GRIK2: variants seen among roughly 807,000 people sequenced by gnomAD.
GRIK2 encodes glutamate receptor ionotropic, kainate 2.
A neutral mutation model predicts 100.3 loss-of-function variants in GRIK2; 32 were observed. The ratio of observed to expected loss-of-function variants is 0.32; its 90% CI spans 0.24 to 0.43. The LOEUF is 0.43. Among genes scored for constraint, GRIK2 ranks in the 20% least tolerant of loss-of-function variants. GRIK2 has a pLI of 1.00. For missense variants in GRIK2, 843 were observed against 1,114.9 expected, an observed-to-expected ratio of 0.76 and a Z score of 3.47; for synonymous variants, 417 against 389.4, an observed-to-expected ratio of 1.07 and a Z score of -0.83.
intron 15 of GRIK2, among the ~76,000 whole-genome samples, chr6:102,052,807 T>TG (rs1435697995): frequency 1.3e-5 from 2 of 152,286 alleles, no homozygotes; most frequent in East Asian, 3.9e-4. Flanking sequence ...AATTACAGTC[T>TG]GGGCACCTTG....
intron 2 of GRIK2, among the ~76,000 whole-genome samples, chr6:101,524,497 T>C (rs1241365769): frequency 1.3e-5 from 2 of 152,128 alleles, no homozygotes; most frequent in East Asian, 1.9e-4. Context: ...TGACACATTG[T>C]GCTTCTAGTT....
chr6:101,586,998 G>A (rs908369911), intron 2 of GRIK2, among the ~76,000 whole-genome samples: 1 of 151,578 alleles, frequency 6.6e-6, no homozygotes, highest in Non-Finnish European at 1.5e-5. Flanking sequence ...ATGAAATATG[G>A]ATTTAAACTC....
chr6:101,944,189 A>G (rs1003569504), intron 14 of GRIK2, among the ~76,000 whole-genome samples: 21 of 152,126 alleles, frequency 1.4e-4, no homozygotes, highest in Non-Finnish European at 2.6e-4. Context: ...CATCATGATC[A>G]TATGTTTCCT....
intron 7 of GRIK2, among the ~76,000 whole-genome samples, chr6:101,788,086 G>C (rs1779559043): frequency 6.6e-6 from 1 of 151,780 alleles, no homozygotes; most frequent in Non-Finnish European, 1.5e-5. Flanking sequence ...CTTAAAGTTT[G>C]TTTTATTTGA....
At chr6:101,739,006 G>T (rs1775857270) in intron 7 of GRIK2, among the ~76,000 whole-genome samples, 1 of 152,150 alleles carries the variant, frequency 6.6e-6, no homozygotes, top group African/African-American at 2.4e-5. Context: ...TAGAAGCCTT[G>T]TTTCTCTTTT....
chr6:101,740,801 T>G (rs1407401026), intron 7 of GRIK2, among the ~76,000 whole-genome samples: 1 of 152,132 alleles, frequency 6.6e-6, no homozygotes, highest in African/African-American at 2.4e-5. Context: ...TGCCAGGTTC[T>G]TTTTAACCTC....
intron 2 of GRIK2, among the ~76,000 whole-genome samples, chr6:101,524,438 G>A (rs1233386906): frequency 3.9e-5 from 6 of 151,926 alleles, no homozygotes; most frequent in Non-Finnish European, 5.9e-5. Flanking sequence ...AAGGGAGTTG[G>A]TGTTAGAAAA....
Position 102,035,583 on chromosome 6 carries a change from CTCTTTGT to C in GRIK2, c.2311+27_2311+33del, listed in dbSNP as rs750479442. Reference sequence around the variant, plus strand: ...CTCCCATGGGTAGGTTATATGTCAGCTCTTTGTTCTTTGTTCATTAATCTGAGTTGCT... The same window carrying C: ...CTCCCATGGGTAGGTTATATGTCAGCTCTTTGTTCATTAATCTGAGTTGCT... On this transcript the variant is annotated intron_variant, in intron 15 of 16. Coordinates refer to ENST00000369134, the MANE Select transcript of GRIK2 (RefSeq NM_021956.5). 12 of 1,370,378 alleles carry C rather than the reference CTCTTTGT, an allele frequency of 8.8e-6. No homozygotes were observed. Among genetic ancestry groups the C allele is most frequent in the Admixed American group, 1.7e-5 (1 of 58,620 alleles). The allele number at this position is 1,370,378 out of a possible 1,614,324, so 84.9% of individuals were successfully genotyped here.
intron 7 of GRIK2, among the ~76,000 whole-genome samples, chr6:101,736,949 A>G (rs1307517539): frequency 1.3e-5 from 2 of 152,186 alleles, no homozygotes; most frequent in East Asian, 1.9e-4. Flanking sequence ...AATGTCTTCC[A>G]CCAGATACCC....
chr6:101,775,584 AGTT>A (rs1189643758), intron 7 of GRIK2, among the ~76,000 whole-genome samples: 5 of 151,086 alleles, frequency 3.3e-5, no homozygotes, highest in Non-Finnish European at 5.9e-5. Flanking sequence ...ATTACTGTAT[AGTT>A]TATTTATAAT....
intron 2 of GRIK2, chr6:101,620,035 A>G (rs1033715306): frequency 6.6e-6 from 1 of 152,186 alleles, no homozygotes; most frequent in East Asian, 1.9e-4. Flanking sequence ...TGTACATGCT[A>G]ACATTTATTC....
At chr6:101,943,518 A>G (rs1026030566) in intron 14 of GRIK2, among the ~76,000 whole-genome samples, 1 of 152,184 alleles carries the variant, frequency 6.6e-6, no homozygotes, top group Non-Finnish European at 1.5e-5. Context: ...AAGCAGCTGC[A>G]GAGGCTGTAC....
At chr6:102,037,816 T>A (rs1478742945) in intron 15 of GRIK2, among the ~76,000 whole-genome samples, 1 of 151,306 alleles carries the variant, frequency 6.6e-6, no homozygotes, top group Admixed American at 6.6e-5. Flanking sequence ...TATGGTTCTT[T>A]CCCTCAATAA....
intron 2 of GRIK2, among the ~76,000 whole-genome samples, chr6:101,518,045 C>G (rs1039971008): frequency 6.6e-6 from 1 of 151,992 alleles, no homozygotes; most frequent in Non-Finnish European, 1.5e-5. Flanking sequence ...CTTTTTTAAA[C>G]ATGAAAAATA....
At chr6:101,496,240 C>G (rs944591156) in intron 2 of GRIK2, among the ~76,000 whole-genome samples, 63 of 152,270 alleles carry the variant, frequency 4.1e-4, no homozygotes, top group African/African-American at 1.5e-3. Flanking sequence ...AGCCACCATG[C>G]CTGGCCCTGG....
At chr6:101,477,711 A>C (rs185187983) in intron 2 of GRIK2, among the ~76,000 whole-genome samples, 1 of 152,352 alleles carries the variant, frequency 6.6e-6, no homozygotes, top group African/African-American at 2.4e-5. Flanking sequence ...TAAGGTCACC[A>C]TCTGCCACAT....
intron 2 of GRIK2, among the ~76,000 whole-genome samples, chr6:101,456,277 CTGAAATGCTTAAG>C (rs1224554594): frequency 1.3e-5 from 2 of 151,946 alleles, no homozygotes; most frequent in African/African-American, 4.8e-5. Context: ...GAAATTAGGT[CTGAAATGCTTAAG>C]TGAAATGCAG....
At chr6:101,471,496 T>C (rs576088523) in intron 2 of GRIK2, among the ~76,000 whole-genome samples, 1 of 152,018 alleles carries the variant, frequency 6.6e-6, no homozygotes, top group Non-Finnish European at 1.5e-5. Flanking sequence ...TGGAATCTAA[T>C]TATTTACAGG....
At chr6:101,753,333 CA>C (rs1252973596) in intron 7 of GRIK2, among the ~76,000 whole-genome samples, 1 of 151,140 alleles carries the variant, frequency 6.6e-6, no homozygotes, top group Admixed American at 6.6e-5. Flanking sequence ...GTCCAACTTC[CA>C]AAACACTTTT....
Sources: gnomAD v4.1 joint callset for allele counts (sites outside exome capture counted in the v4.1 genomes callset) on GRCh38, gnomAD v4.1.1 for gene constraint, MANE v1.5 for transcripts, NCBI Gene and HGNC (gene_info 2026-07-23, HGNC 2026-07-21) for gene names.